The following GALNT2 variants were observed in gnomAD, a reference collection of about 807,000 sequenced individuals.
The protein encoded by GALNT2 is UDP-GalNAc:polypeptide N-acetylgalactosaminyltransferase 2.
Under a neutral mutation model 81.4 loss-of-function variants are expected in GALNT2, and 31 were observed. The observed-to-expected ratio is 0.38, with a 90% CI of 0.29 to 0.51. The LOEUF (loss-of-function observed/expected upper bound fraction) is 0.51. Among genes scored for constraint, GALNT2 ranks in the 20% least tolerant of loss-of-function variants. GALNT2 has a pLI of 0.87. For missense variants in GALNT2, 629 were observed against 765.7 expected (o/e 0.82, Z 2.11); for synonymous variants, 303 against 287.4 (o/e 1.05, Z -0.55).
intron 2 of GALNT2, among the ~76,000 whole-genome samples, chr1:230,179,653 CTTA>C (rs1663097502): frequency 1.3e-5 from 2 of 152,076 alleles, no homozygotes; most frequent in South Asian, 4.1e-4. Flanking sequence ...GGTTCATTTT[CTTA>C]TTGTTGAGTT....
At chr1:230,137,996 C>A (rs1445961380) in intron 1 of GALNT2, among the ~76,000 whole-genome samples, 1 of 152,118 alleles carries the variant, frequency 6.6e-6, no homozygotes, top group Non-Finnish European at 1.5e-5. Context: ...TCCATTTTAC[C>A]TTTTTCTCCT....
chr1:230,206,775 TACA>T (rs1319538319), intron 3 of GALNT2, among the ~76,000 whole-genome samples: 2 of 152,340 alleles, frequency 1.3e-5, no homozygotes, highest in East Asian at 3.9e-4. Context: ...TTTGGAGTCC[TACA>T]GACCTGGGTT....
At chr1:230,073,519 T>G (rs945524862) in intron 1 of GALNT2, among the ~76,000 whole-genome samples, 3 of 152,228 alleles carry the variant, frequency 2.0e-5, no homozygotes, top group Non-Finnish European at 4.4e-5. Context: ...CTTAGTCATG[T>G]CTACTAGTAT....
At chr1:230,152,650 T>C (rs951936376) in intron 1 of GALNT2, among the ~76,000 whole-genome samples, 1 of 152,184 alleles carries the variant, frequency 6.6e-6, no homozygotes, top group African/African-American at 2.4e-5. Context: ...GCTAGGATAG[T>C]GCATAGCCAG....
rs1284554984 is a variant in GALNT2 at position 230,220,041 on chromosome 1, TA to T, written c.375-15966del. 2.6e-5 allele frequency among the ~76,000 whole-genome samples: 4 copies of T among 152,308 alleles called. No individual in the cohort carries two copies. The East Asian group carries it at 7.7e-4, about 29-fold the overall frequency. On this transcript the variant is annotated intron_variant, in intron 3 of 15. Transcript: ENST00000366672. ...TAAATTCTTAGGGAATTCAGATTGT[TA>T]AAAAAATATCTAGAGAGCTATTAAT...
chr1:230,137,682 A>ATGTT (rs545487151), intron 1 of GALNT2, among the ~76,000 whole-genome samples: 52 of 152,294 alleles, frequency 3.4e-4, no homozygotes, highest in Non-Finnish European at 7.1e-4. Flanking sequence ...ACAGCTGTGG[A>ATGTT]TGTTTGCCAG....
At chr1:230,266,034 TAAAA>T (rs199851711) in intron 14 of GALNT2, among the ~76,000 whole-genome samples, 1 of 149,230 alleles carries the variant, frequency 6.7e-6, no homozygotes, top group African/African-American at 2.5e-5. Flanking sequence ...CTGCTAAAAA[TAAAA>T]AAAAAATTAG....
chr1:230,087,119 G>T (rs956809356), intron 1 of GALNT2, among the ~76,000 whole-genome samples: 1 of 152,174 alleles, frequency 6.6e-6, no homozygotes, highest in African/African-American at 2.4e-5. Flanking sequence ...GAAGGTCCTG[G>T]CTGGGAGCTG....
At chr1:230,069,791 T>C (rs996966886) in intron 1 of GALNT2, among the ~76,000 whole-genome samples, 5 of 28,308 alleles carry the variant, frequency 1.8e-4, no homozygotes, top group Non-Finnish European at 3.3e-4. Context: ...ATTTAAAAGC[T>C]AGCTATAGTT....
rs973705689 is a variant in GALNT2, at chr1:230,233,330, T to C, written c.375-2684T>C. Among the ~76,000 whole-genome samples, 3 of 152,196 alleles carry C rather than the reference T, an allele frequency of 2.0e-5. No individual in the cohort carries two copies. In the South Asian group the frequency reaches 6.2e-4, roughly 31 times the overall value. On this transcript the variant is annotated intron_variant, in intron 3 of 15. Coordinates refer to ENST00000366672, the MANE Select transcript of GALNT2 (RefSeq NM_004481.5). ...ATTAAGAGCTACAGTGGGCTTATAT[T>C]AGGGCCAGGCACAGTGGCTCACGCC...
chr1:230,127,843 A>C (rs560405687), intron 1 of GALNT2, among the ~76,000 whole-genome samples: 2 of 152,230 alleles, frequency 1.3e-5, no homozygotes, highest in African/African-American at 4.8e-5. Context: ...ATTCCTCATT[A>C]CCACGGTATT....
chr1:230,110,711 T>C (rs1660673957), intron 1 of GALNT2, among the ~76,000 whole-genome samples: 1 of 122,452 alleles, frequency 8.2e-6, no homozygotes, highest in Non-Finnish European at 1.7e-5. Flanking sequence ...GCTGTGCTTT[T>C]CTGTTTTTTT....
intron 9 of GALNT2, among the ~76,000 whole-genome samples, chr1:230,250,220 C>T (rs991177384): frequency 4.6e-5 from 7 of 152,222 alleles, no homozygotes; most frequent in Non-Finnish European, 1.5e-5. Context: ...CTCAGTCCAG[C>T]CCCTGGCACT....
chr1:230,155,228 G>A (rs1398557057), intron 1 of GALNT2, among the ~76,000 whole-genome samples: 4 of 152,172 alleles, frequency 2.6e-5, no homozygotes, highest in East Asian at 1.9e-4. Context: ...GGCAGTCACC[G>A]TTTGGGGCCT....
chr1:230,156,581 CA>C (rs1300856187), intron 1 of GALNT2, among the ~76,000 whole-genome samples: 1 of 152,084 alleles, frequency 6.6e-6, no homozygotes, highest in Non-Finnish European at 1.5e-5. Flanking sequence ...TATCGTTTGT[CA>C]CGGATCAATT....
rs536913593 is a variant in GALNT2, at chr1:230,233,233, G to A, written c.375-2781G>A. On this transcript the variant is annotated intron_variant, in intron 3 of 15. Transcript: ENST00000366672. ...TATATATTTTTAATCTATCTCCTTC[G>A]TCCACTGATTTCCCATCTGAGATAT... Among the ~76,000 whole-genome samples, 13 of 152,136 alleles carry A rather than the reference G, an allele frequency of 8.5e-5. No homozygotes were observed. The South Asian group carries it at 1.2e-3, about 15-fold the overall frequency.
intron 13 of GALNT2, 124 bp from the exon 14 acceptor site, chr1:230,265,117 G>T: frequency 7.8e-7 from 1 of 1,274,074 alleles, no homozygotes; most frequent in Non-Finnish European, 1.1e-6. Context: ...GAGGCACGAT[G>T]CCTAGTCACT....
chr1:230,216,349 G>C (rs535420666), intron 3 of GALNT2, among the ~76,000 whole-genome samples: 1 of 152,172 alleles, frequency 6.6e-6, no homozygotes, highest in Non-Finnish European at 1.5e-5. Context: ...GAGATTACTT[G>C]TGATGTTTCT....
intron 1 of GALNT2, among the ~76,000 whole-genome samples, chr1:230,167,969 C>CCCCCCT (rs1662666884): frequency 6.6e-6 from 1 of 151,866 alleles, no homozygotes; most frequent in African/African-American, 2.4e-5. Flanking sequence ...ATACCCCCCC[C>CCCCCCT]TTTTTTTTGT....
Sources: gnomAD v4.1 joint callset for allele counts (sites outside exome capture counted in the v4.1 genomes callset) on GRCh38, gnomAD v4.1.1 for gene constraint, MANE v1.5 for transcripts, NCBI Gene and HGNC (gene_info 2026-07-23, HGNC 2026-07-21) for gene names.